B4GALT1: variants seen among roughly 807,000 people sequenced by gnomAD.
B4GALT1 encodes N-acetyllactosamine synthase.
B4GALT1 carries 16 observed loss-of-function variants against 34.9 expected under a neutral mutation model. The ratio of observed to expected loss-of-function variants is 0.46; its 90% CI spans 0.31 to 0.70. The LOEUF is 0.70. B4GALT1 is among the 30% of genes least tolerant of loss of function. The pLI is 0.05. For synonymous variants in B4GALT1, 221 were observed against 218.1 expected, an observed-to-expected ratio of 1.01 and a Z score of -0.12; for missense variants, 445 against 530.5, an observed-to-expected ratio of 0.84 and a Z score of 1.58.
At chr9:33,176,886 T>C in the B4GALT1 span, among the ~76,000 whole-genome samples, 1 of 152,158 alleles carries the variant, frequency 6.6e-6, no homozygotes, top group Non-Finnish European at 1.5e-5. Flanking sequence ...GCCAATAATA[T>C]ACTAATAGAG....
intron 1 of B4GALT1, among the ~76,000 whole-genome samples, chr9:33,141,255 A>T (rs1486427081): frequency 6.6e-6 from 1 of 152,176 alleles, no homozygotes; most frequent in African/African-American, 2.4e-5. Context: ...CTGTAATCCC[A>T]GCACTTTGGG....
At chr9:33,135,149 G>GCA in intron 2 of B4GALT1, 40 bp downstream of exon 2, 1 of 1,558,734 alleles carries the variant, frequency 6.4e-7, no homozygotes, top group East Asian at 2.2e-5. Context: ...ACATCTGCAT[G>GCA]CACACACACC....
At chr9:33,140,381 G>A (rs990153628) in intron 1 of B4GALT1, among the ~76,000 whole-genome samples, 1 of 152,120 alleles carries the variant, frequency 6.6e-6, no homozygotes, top group African/African-American at 2.4e-5. Flanking sequence ...TCAAAGTATA[G>A]GAATGCCCTT....
chr9:33,127,206 G>C lies in B4GALT1; in HGVS notation c.649-6600C>G, dbSNP rs540267811. On this transcript the variant is annotated intron_variant, in intron 2 of 5. Transcript: ENST00000379731. ...TCTCGATCTCCTGACCTAGTGATCC[G>C]CCCACCTCGGCCTCCCAAAGTACTG... 8.1e-3 allele frequency among the ~76,000 whole-genome samples: 1,230 copies of C among 152,116 alleles called. 11 individuals are homozygous for C. The highest frequency in any genetic ancestry group is 0.028 in the African/African-American group (1,175 of 41,462).
chr9:33,132,702 T>G (rs1396906866), intron 2 of B4GALT1, among the ~76,000 whole-genome samples: 2 of 152,116 alleles, frequency 1.3e-5, no homozygotes, highest in African/African-American at 4.8e-5. Context: ...TCATAGGAAT[T>G]TAAGCTGATG....
At chr9:33,114,429 G>C (rs1385105111) in intron 4 of B4GALT1, among the ~76,000 whole-genome samples, 1 of 152,310 alleles carries the variant, frequency 6.6e-6, no homozygotes, top group South Asian at 2.1e-4. Context: ...GCAGGTGATG[G>C]GCTGAAAAGG....
rs1839870127 is a variant in B4GALT1, at chr9:33,112,028, A to T, written c.*1426T>A. 1.3e-5 allele frequency: 2 copies of T among 152,714 alleles called. No individual in the cohort carries two copies. The highest frequency in any genetic ancestry group is 4.8e-5 in the African/African-American group (2 of 41,450). The allele number at this position is 152,714 out of a possible 1,614,324, so 9.5% of individuals were successfully genotyped here. ...GGAATGGATAGTCTGTTTGACCCTG[A>T]GTGCCACAGTCAAGTTTTAGGGGAC... On this transcript the variant is annotated 3_prime_UTR_variant, in exon 6 of 6. Coordinates refer to ENST00000379731, the MANE Select transcript of B4GALT1 (RefSeq NM_001497.4).
At chr9:33,120,751 A>G in intron 2 of B4GALT1, 145 bp from the exon 3 acceptor site, 2 of 800,188 alleles carry the variant, frequency 2.5e-6, no homozygotes, top group Non-Finnish European at 2.1e-6. Flanking sequence ...CAATCAACAC[A>G]GAGTACCAAA....
chr9:33,152,371 A>AACATAACATAACATAACATAACAT lies in B4GALT1; in HGVS notation c.412+14386_412+14387insATGTTATGTTATGTTATGTTATGT, dbSNP rs71738839. Among the ~76,000 whole-genome samples, 15 of 68,632 alleles carry AACATAACATAACATAACATAACAT rather than the reference A, an allele frequency of 2.2e-4. 1 individual carries two copies. Among genetic ancestry groups the AACATAACATAACATAACATAACAT allele is most frequent in the Non-Finnish European group, 1.1e-4 (4 of 35,762 alleles). 45.0% of individuals were successfully genotyped at this position (68,632 alleles called of 152,430 possible). On this transcript the variant is annotated intron_variant, in intron 1 of 5. Coordinates refer to ENST00000379731, the MANE Select transcript of B4GALT1 (RefSeq NM_001497.4). ...TAACATAACATAACATAACATAACAACTTCTACATAGCTAAAGAAACCAGA... is the reference window on the plus strand; with the variant it reads ...TAACATAACATAACATAACATAACAAACATAACATAACATAACATAACATCTTCTACATAGCTAAAGAAACCAGA...
intron 3 of B4GALT1, among the ~76,000 whole-genome samples, chr9:33,116,757 A>C (rs1839945640): frequency 6.8e-6 from 1 of 148,126 alleles, no homozygotes; most frequent in African/African-American, 2.5e-5. Flanking sequence ...TCCTGACCTC[A>C]GGTGATCCAC....
At chr9:33,117,795 C>A (rs1839961991) in intron 3 of B4GALT1, among the ~76,000 whole-genome samples, 1 of 152,206 alleles carries the variant, frequency 6.6e-6, no homozygotes, top group Non-Finnish European at 1.5e-5. Context: ...ACCTTTGGCA[C>A]ACCTCATACT....
At chr9:33,165,417 C>T (rs2118338089) in intron 1 of B4GALT1, among the ~76,000 whole-genome samples, 1 of 152,290 alleles carries the variant, frequency 6.6e-6, no homozygotes, top group South Asian at 2.1e-4. Context: ...AAGGCAGAGT[C>T]CATTTCATTT....
chr9:33,183,566 T>C, the B4GALT1 span, among the ~76,000 whole-genome samples: 4 of 130,804 alleles, frequency 3.1e-5, no homozygotes, highest in African/African-American at 1.2e-4. Context: ...TTCTCACTCA[T>C]AGGTGGGAAT....
intron 1 of B4GALT1, among the ~76,000 whole-genome samples, chr9:33,151,501 A>G (rs1383442587): frequency 6.6e-6 from 1 of 152,202 alleles, no homozygotes; most frequent in Non-Finnish European, 1.5e-5. Context: ...ACTCCTGGCA[A>G]TATCTCTCTG....
At chr9:33,176,947 A>G in the B4GALT1 span, among the ~76,000 whole-genome samples, 3 of 152,246 alleles carry the variant, frequency 2.0e-5, no homozygotes, top group Non-Finnish European at 4.4e-5. Context: ...AAAAAGTCTT[A>G]CAGCCACATC....
intron 3 of B4GALT1, among the ~76,000 whole-genome samples, chr9:33,116,844 T>C (rs1475268278): frequency 2.2e-5 from 3 of 137,216 alleles, no homozygotes; most frequent in Non-Finnish European, 4.7e-5. Flanking sequence ...TTTTTGATGG[T>C]GGGTGGGGTG....
intron 1 of B4GALT1, among the ~76,000 whole-genome samples, chr9:33,149,481 T>C (rs1249339877): frequency 6.6e-6 from 1 of 152,106 alleles, no homozygotes; most frequent in Non-Finnish European, 1.5e-5. Flanking sequence ...CGTTTCACCA[T>C]GTTATGTTGG....
chr9:33,141,342 CTAAACCCCATCTCTAT>C, intron 1 of B4GALT1, among the ~76,000 whole-genome samples: 1 of 152,200 alleles, frequency 6.6e-6, no homozygotes, highest in East Asian at 1.9e-4. Context: ...CCCATCTCTA[CTAAACCCCATCTCTAT>C]TAAAAATACA....
At chr9:33,143,288 A>T (rs1017097308) in intron 1 of B4GALT1, among the ~76,000 whole-genome samples, 4 of 152,358 alleles carry the variant, frequency 2.6e-5, no homozygotes, top group Admixed American at 2.6e-4. Flanking sequence ...GCTCAGAAAC[A>T]GTCCTGCCAC....
Sources: gnomAD v4.1 joint callset for allele counts (sites outside exome capture counted in the v4.1 genomes callset) on GRCh38, gnomAD v4.1.1 for gene constraint, MANE v1.5 for transcripts, NCBI Gene and HGNC (gene_info 2026-07-23, HGNC 2026-07-21) for gene names.